The following NBPF20 variants were observed in gnomAD, a reference collection of about 807,000 sequenced individuals.
NBPF20 encodes NBPF member 20.
Under a neutral mutation model 68.1 loss-of-function variants are expected in NBPF20, and 90 were observed. The ratio of observed to expected loss-of-function variants is 1.32; its 90% CI spans 1.11 to 1.58. The LOEUF (loss-of-function observed/expected upper bound fraction) is 1.58. Ranked by LOEUF, NBPF20 falls within the 40% of genes most tolerant of loss-of-function variation. The pLI, the probability that NBPF20 is intolerant of heterozygous loss-of-function variation, is 0.00. For missense variants in NBPF20, 816 were observed against 601.2 expected, an observed-to-expected ratio of 1.36 and a Z score of -3.74; for synonymous variants, 290 against 228.1, an observed-to-expected ratio of 1.27 and a Z score of -2.45.
At chr1:145,406,605 T>C (rs1339660575), upstream of NBPF20, among the ~76,000 whole-genome samples, 1 of 150,774 alleles carries the variant, frequency 6.6e-6, no homozygotes, top group Non-Finnish European at 1.5e-5. Flanking sequence ...ACACTTAATA[T>C]TTTCAGTCTT....
chr1:145,406,630 G>T (rs1261560476), upstream of NBPF20, among the ~76,000 whole-genome samples: 2 of 149,888 alleles, frequency 1.3e-5, no homozygotes, highest in Non-Finnish European at 2.9e-5. Flanking sequence ...ACTATGCCAG[G>T]TGTGTAGTGA....
At chr1:145,398,911 T>C (rs1662385372) in intron 7 of NBPF20, 138 bp downstream of exon 12, 1 of 611,258 alleles carries the variant, frequency 1.6e-6, no homozygotes, top group Middle Eastern at 4.5e-4. Flanking sequence ...ACAAATAACA[T>C]ACAACATTGT....
At chr1:145,400,494 G>T in exon 6 of NBPF20, 1 of 1,612,998 alleles carries the variant, frequency 6.2e-7, no homozygotes, top group Non-Finnish European at 8.5e-7. Context: ...TTCCTATGTG[G>T]CTGGTTGGAG....
chr1:145,372,493 T>G lies in NBPF20; in HGVS notation c.4369+19A>C. 3.9e-6 allele frequency: 2 copies of G among 506,950 alleles called. 1 individual carries two copies. Among genetic ancestry groups the G allele is most frequent in the Admixed American group, 6.3e-5 (2 of 31,850 alleles). 31.4% of individuals were successfully genotyped at this position (506,950 alleles called of 1,614,324 possible). On this transcript the variant is annotated intron_variant, in intron 36 of 137. Transcript: ENST00000369373. ...GAAGACCAGGTGGAGGCTTATCACC[T>G]TCACAGTAAGATACTCACTGTCCAC...
At chr1:145,425,083 C>T in the NBPF20 span, among the ~76,000 whole-genome samples, 1 of 152,102 alleles carries the variant, frequency 6.6e-6, no homozygotes, top group Non-Finnish European at 1.5e-5. Context: ...CTGCTCGTCC[C>T]TCCACCCCCT....
the NBPF20 span, among the ~76,000 whole-genome samples, chr1:145,425,356 G>A: frequency 2.0e-5 from 3 of 151,698 alleles, no homozygotes; most frequent in South Asian, 2.1e-4. Flanking sequence ...CCTTCACCTC[G>A]GAAACGCTGG....
intron 13 of NBPF20, among the ~76,000 whole-genome samples, chr1:145,390,382 C>T (rs1553662176): frequency 9.7e-5 from 5 of 51,810 alleles, no homozygotes; most frequent in Admixed American, 2.6e-4. Context: ...AGAGAGAGAA[C>T]GAGCTCAGTG....
At chr1:145,393,283 G>T (rs1553662539) in intron 9 of NBPF20, 37 bp from the exon 15 acceptor site, 2 of 665,680 alleles carry the variant, frequency 3.0e-6, no homozygotes, top group East Asian at 2.7e-5. Flanking sequence ...TAAGCCAGGG[G>T]GAATCAGAAA....
chr1:145,292,286 T>C (rs1424086818), intron 137 of NBPF20, 95 bp downstream of exon 142: 39 of 609,228 alleles, frequency 6.4e-5, no homozygotes, highest in Admixed American at 2.0e-4. Flanking sequence ...TCAGCCTTCG[T>C]TGAAAACATG....
exon 76 of NBPF20, chr1:145,340,781 G>A: frequency 7.0e-6 from 1 of 141,942 alleles, no homozygotes; most frequent in South Asian, 3.3e-5. Context: ...CATGTCAACA[G>A]CCAAGCCAAC....
At chr1:145,400,641 G>A (rs1662478898) in intron 5 of NBPF20, 47 bp from the exon 11 acceptor site, 2 of 1,581,536 alleles carry the variant, frequency 1.3e-6, no homozygotes, top group African/African-American at 2.7e-5. Context: ...AAACACAGAG[G>A]GATTGGACCC....
the NBPF20 span, among the ~76,000 whole-genome samples, chr1:145,413,259 G>A: frequency 6.6e-6 from 1 of 150,758 alleles, no homozygotes; most frequent in South Asian, 2.1e-4. Context: ...AAAATGTCTG[G>A]CATATTCTTA....
chr1:145,292,268 G>C, intron 137 of NBPF20, 113 bp downstream of exon 142: 1 of 616,156 alleles, frequency 1.6e-6, no homozygotes, highest in South Asian at 2.0e-5. Flanking sequence ...AATGACAGTA[G>C]GAGTAATTCA....
At chr1:145,409,703 CATT>C (rs1553668525), upstream of NBPF20, among the ~76,000 whole-genome samples, 2 of 151,384 alleles carry the variant, frequency 1.3e-5, no homozygotes, top group Non-Finnish European at 2.9e-5. Flanking sequence ...CACCTAGACC[CATT>C]TAGATTAACT....
At chr1:145,425,441 C>T in the NBPF20 span, among the ~76,000 whole-genome samples, 11 of 152,194 alleles carry the variant, frequency 7.2e-5, no homozygotes, top group African/African-American at 2.7e-4. Context: ...GCTCCTGGCG[C>T]CACAGGTCGC....
At chr1:145,422,167 G>A in the NBPF20 span, among the ~76,000 whole-genome samples, 4 of 151,236 alleles carry the variant, frequency 2.6e-5, no homozygotes, top group East Asian at 7.8e-4. Context: ...AGTTTTCCTG[G>A]TAATTAAGTA....
At chr1:145,395,655 C>T (rs1277108291) in intron 7 of NBPF20, among the ~76,000 whole-genome samples, 2 of 149,576 alleles carry the variant, frequency 1.3e-5, no homozygotes, top group Non-Finnish European at 2.9e-5. Context: ...ATACACCTCT[C>T]CCTGGATTTA....
At chr1:145,415,325 C>CA in the NBPF20 span, among the ~76,000 whole-genome samples, 1 of 152,026 alleles carries the variant, frequency 6.6e-6, no homozygotes, top group African/African-American at 2.4e-5. Flanking sequence ...CGAGACATTC[C>CA]ATTGCCCAGG....
the NBPF20 span, among the ~76,000 whole-genome samples, chr1:145,410,653 A>G: frequency 1.3e-5 from 2 of 148,338 alleles, no homozygotes; most frequent in Non-Finnish European, 3.0e-5. Flanking sequence ...TCTTTTGAGA[A>G]ATTGTTTCAA....
Sources: gnomAD v4.1 joint callset for allele counts (sites outside exome capture counted in the v4.1 genomes callset) on GRCh38, gnomAD v4.1.1 for gene constraint, MANE v1.5 for transcripts, NCBI Gene and HGNC (gene_info 2026-07-23, HGNC 2026-07-21) for gene names.